CD68: variants seen among roughly 807,000 people sequenced by gnomAD.
CD68 encodes the protein CD68 molecule, also known as macrosialin.
A neutral mutation model predicts 31.3 loss-of-function variants in CD68; 24 were observed. The ratio of observed to expected loss-of-function variants is 0.77; its 90% CI spans 0.55 to 1.08. The LOEUF (loss-of-function observed/expected upper bound fraction) is 1.08, where lower values mean the gene tolerates loss of function less well. Ranked by LOEUF, CD68 falls within the 50% of genes least tolerant of loss-of-function variation. The pLI, the probability that CD68 is intolerant of heterozygous loss-of-function variation, is 0.00. For synonymous variants in CD68, 190 were observed against 179.6 expected, an observed-to-expected ratio of 1.06 and a Z score of -0.46; for missense variants, 461 against 442.5, an observed-to-expected ratio of 1.04 and a Z score of -0.38.
chr17:7,580,395 G>A lies in CD68; in HGVS notation c.567+68G>A. On this transcript the variant is annotated intron_variant, in intron 2 of 5. Coordinates refer to ENST00000250092, the MANE Select transcript of CD68 (RefSeq NM_001251.3). This position sits in a 1 kb window ranked among gnomAD's most constrained non-coding sequence, Gnocchi z 4.3. ...TGGATATAGGCTCAGAGGGAAGAAG[G>A]AAGAGGGGACAGGGAACCTTGGCCG... 1.2e-6 allele frequency: 2 copies of A among 1,610,262 alleles called. No homozygotes were observed. Among genetic ancestry groups the A allele is most frequent in the South Asian group, 2.2e-5 (2 of 90,880 alleles).
intron 1 of CD68, 36 bp from the exon 2 acceptor site, chr17:7,579,774 G>T: frequency 1.2e-6 from 2 of 1,605,674 alleles, no homozygotes; most frequent in South Asian, 1.1e-5. Context: ...GAGGGAGCCT[G>T]CCCTGGGTTG....
At position 7,580,930 on chromosome 17, in the gene CD68, A is replaced by C; in HGVS notation, c.795A>C (p.Arg265=). 1.2e-6 allele frequency: 2 copies of C among 1,613,902 alleles called. No individual in the cohort carries two copies. The highest frequency in any genetic ancestry group is 1.7e-6 in the Non-Finnish European group (2 of 1,179,976). Residue 265 remains arginine (R), a synonymous_variant, in exon 5 of 6, where the codon CGA becomes CGC. Transcript: ENST00000250092. The surrounding 1 kb of genome is among the most constrained non-coding windows in gnomAD (Gnocchi z 4.3). Reference sequence around the variant, plus strand: ...TCTCGGCTCAGAATGCATCCCTTCGAGATCTCCAAGCACCCCTGGGGCAGA... The same window carrying C: ...TCTCGGCTCAGAATGCATCCCTTCGCGATCTCCAAGCACCCCTGGGGCAGA... ...WTFSAQNASL[R]DLQAPLGQSF...
chr17:7,579,958 C>T lies in CD68; in HGVS notation c.198C>T (p.Thr66=). ...SHKTTTHRTT[T]TGTTSHGPTT... is the part of the protein sequence containing the mutation. ...AAACCACCACTCACAGGACAACCAC[C>T]ACAGGCACCACCAGCCACGGACCCA... is the stretch of plus-strand genomic sequence containing the variant. Residue 66 remains threonine, a synonymous_variant, in exon 2 of 6, where the codon ACC becomes ACT. Coordinates refer to ENST00000250092, the MANE Select transcript of CD68 (RefSeq NM_001251.3). The T allele has an allele frequency of 1.2e-6, 2 of 1,613,872 alleles. No individual in the cohort carries two copies. Among genetic ancestry groups the T allele is most frequent in the Non-Finnish European group, 8.5e-7 (1 of 1,179,852 alleles).
At chr17:7,581,281 A>T in intron 5 of CD68, 97 bp from the exon 6 acceptor site, 1 of 1,461,792 alleles carries the variant, frequency 6.8e-7, no homozygotes, top group Non-Finnish European at 9.5e-7. Flanking sequence ...GCTCCTCACC[A>T]ATCTCCTACT....
At chr17:7,581,106 C>T (rs2071479261) in intron 5 of CD68, 40 bp downstream of exon 5, 1 of 1,566,106 alleles carries the variant, frequency 6.4e-7, no homozygotes, top group East Asian at 2.2e-5. Context: ...AATCCTCCCA[C>T]TGCACTGAAA....
At chr17:7,581,327 T>C in intron 5 of CD68, 51 bp from the exon 6 acceptor site, 1 of 1,611,452 alleles carries the variant, frequency 6.2e-7, no homozygotes, top group African/African-American at 1.3e-5. Context: ...CCCACCTTTA[T>C]CCCAACCAGC....
In CD68 at chr17:7,581,471, G is replaced by A; in HGVS notation, c.1025G>A (p.Cys342Tyr). The part of the protein sequence containing the change: ...GLLALVLIAF[C>Y]IIRRRPSAYQ... The stretch of plus-strand genomic sequence containing the variant: ...CTCGCCCTGGTGCTTATTGCTTTCT[G>A]CATCATCCGGAGACGCCCATCCGCC... Residue 342 changes from cysteine to tyrosine, a missense_variant, in exon 6 of 6, where the codon TGC becomes TAC. Transcript: ENST00000250092. 6.2e-7 allele frequency: 1 copy of A among 1,614,090 alleles called. No individual in the cohort carries two copies. The highest frequency in any genetic ancestry group is 8.5e-7 in the Non-Finnish European group (1 of 1,180,030).
Position 7,581,631 on chromosome 17 carries a change from CAA to C in CD68, c.*124_*125del. 8.6e-7 allele frequency: 1 copy of C among 1,159,808 alleles called. No individual in the cohort carries two copies. The highest frequency in any genetic ancestry group is 1.2e-6 in the Non-Finnish European group (1 of 816,790). The allele number at this position is 1,159,808 out of a possible 1,614,324, so 71.8% of individuals were successfully genotyped here. A position where few individuals can be genotyped will look rare whatever the true frequency, so the allele number is the denominator to read the frequency against. On this transcript the variant is annotated 3_prime_UTR_variant, in exon 6 of 6. Transcript: ENST00000250092. ...TATTTTCCTTCCCTTTCTTGAAGAA[CAA>C]AAAGAAAGCCGGGCATGACGGCTCA... is the stretch of plus-strand genomic sequence containing the variant.
Position 7,581,441 on chromosome 17 carries a change from G to C in CD68, c.995G>C (p.Gly332Ala), listed in dbSNP as rs1246175645. 6.2e-7 allele frequency: 1 copy of C among 1,614,058 alleles called. No homozygotes were observed. Among genetic ancestry groups the C allele is most frequent in the East Asian group, 2.2e-5 (1 of 44,876 alleles). ...CTCATCATCGGCCTGATCCTTCTTG[G>C]CCTCCTCGCCCTGGTGCTTATTGCT... Reference protein sequence around the residue: ...LPLIIGLILLGLLALVLIAFC... With the variant: ...LPLIIGLILLALLALVLIAFC... The change falls in exon 6 of 6, where the codon GGC becomes GCC. Residue 332 changes from glycine to alanine, a missense_variant. Transcript: ENST00000250092.
Position 7,580,360 on chromosome 17 carries a change from G to C in CD68, c.567+33G>C. ...TAAAACTGGGGGATGAGAGGGGAGG[G>C]AGGCAGGACTGGATATAGGCTCAGA... On this transcript the variant is annotated intron_variant, in intron 2 of 5. Coordinates refer to ENST00000250092, the MANE Select transcript of CD68 (RefSeq NM_001251.3). This position sits in a 1 kb window ranked among gnomAD's most constrained non-coding sequence, Gnocchi z 4.3. The C allele has an allele frequency of 2.5e-6, 4 of 1,608,096 alleles. No individual in the cohort carries two copies. The highest frequency in any genetic ancestry group is 2.2e-5 in the East Asian group (1 of 44,762).
At position 7,579,809 on chromosome 17, in the gene CD68, G is replaced by A. The variant is rs2071458864; in HGVS notation, c.50-1G>A. On this transcript the variant is annotated splice_acceptor_variant, in intron 1 of 5. Transcript: ENST00000250092. LOFTEE classifies it high-confidence loss of function. ...GCTAACCATCTCCTCTCTGCCAAAAGCCCAGGGGACAGGGAATGACTGTCC... is the reference window on the plus strand; with the variant it reads ...GCTAACCATCTCCTCTCTGCCAAAAACCCAGGGGACAGGGAATGACTGTCC... 2 of 1,612,262 alleles carry A rather than the reference G, an allele frequency of 1.2e-6. No homozygotes were observed. Among genetic ancestry groups the A allele is most frequent in the African/African-American group, 1.3e-5 (1 of 74,944 alleles).
Position 7,580,296 on chromosome 17 carries a change from G to C in CD68, c.536G>C (p.Arg179Pro). The C allele has an allele frequency of 6.2e-7, 1 of 1,613,910 alleles. No individual in the cohort carries two copies. The highest frequency in any genetic ancestry group is 1.1e-5 in the South Asian group (1 of 91,062). ...CACCTCCAAGCCCAGATTCAGATTCGAGTCATGTACACAACCCAGGGTGGA... is the reference window on the plus strand; with the variant it reads ...CACCTCCAAGCCCAGATTCAGATTCCAGTCATGTACACAACCCAGGGTGGA... ...CVHLQAQIQI[R>P]VMYTTQGGGE... The change falls in exon 2 of 6, where the codon CGA becomes CCA. Residue 179 changes from arginine (R) to proline (P), a missense_variant. Coordinates refer to ENST00000250092, the MANE Select transcript of CD68 (RefSeq NM_001251.3). The surrounding 1 kb of genome is among the most constrained non-coding windows in gnomAD (Gnocchi z 4.3).
chr17:7,579,800 C>A lies in CD68; in HGVS notation c.50-10C>A. 6.2e-7 allele frequency: 1 copy of A among 1,610,392 alleles called. No homozygotes were observed. The highest frequency in any genetic ancestry group is 8.5e-7 in the Non-Finnish European group (1 of 1,177,678). Reference sequence around the variant, plus strand: ...CCCTGGGTTGCTAACCATCTCCTCTCTGCCAAAAGCCCAGGGGACAGGGAA... The same window carrying A: ...CCCTGGGTTGCTAACCATCTCCTCTATGCCAAAAGCCCAGGGGACAGGGAA... On this transcript the variant is annotated splice_polypyrimidine_tract_variant and intron_variant, in intron 1 of 5. Transcript: ENST00000250092.
chr17:7,580,498 A>C lies in CD68; in HGVS notation c.600A>C (p.Lys200Asn). ...AWGISVLNPN[K>N]TKVQGSCEGA... The stretch of plus-strand genomic sequence containing the variant: ...GCATCTCTGTACTGAACCCCAACAA[A>C]ACCAAGGTCCAGGGAAGCTGTGAGG... Residue 200 changes from lysine to asparagine, a missense_variant, in exon 3 of 6, where the codon AAA (lysine) becomes AAC (asparagine). Lys to Asn is a moderately conservative substitution (Grantham distance 94, BLOSUM62 0). Transcript: ENST00000250092. This position sits in a 1 kb window ranked among gnomAD's most constrained non-coding sequence, Gnocchi z 4.3. 1 of 1,613,852 alleles carries C rather than the reference A, an allele frequency of 6.2e-7. No individual in the cohort carries two copies. The highest frequency in any genetic ancestry group is 8.5e-7 in the Non-Finnish European group (1 of 1,179,932).
Position 7,579,927 on chromosome 17 carries a change from G to T in CD68, c.167G>T (p.Ser56Ile). Reference sequence around the variant, plus strand: ...ACAACCAGCCACAGGACTACCAAGAGCCACAAAACCACCACTCACAGGACA... The same window carrying T: ...ACAACCAGCCACAGGACTACCAAGATCCACAAAACCACCACTCACAGGACA... ...TGTTSHRTTK[S>I]HKTTTHRTTT... The change falls in exon 2 of 6, where the codon AGC becomes ATC. Residue 56 changes from serine (S) to isoleucine (I), a missense_variant. Ser to Ile is a moderately radical substitution (Grantham distance 142). Transcript: ENST00000250092. 1 of 1,613,838 alleles carries T rather than the reference G, an allele frequency of 6.2e-7. No individual in the cohort carries two copies. The highest frequency in any genetic ancestry group is 8.5e-7 in the Non-Finnish European group (1 of 1,179,902).
In CD68 at chr17:7,581,520, T is replaced by G. The variant is rs374543382; in HGVS notation, c.*9T>G. On this transcript the variant is annotated 3_prime_UTR_variant, in exon 6 of 6. Coordinates refer to ENST00000250092, the MANE Select transcript of CD68 (RefSeq NM_001251.3). Reference sequence around the variant, plus strand: ...CCTACCAGGCCCTCTGAGCATTTGCTTCAAACCCCAGGGCACTGAGGGGGT... The same window carrying G: ...CCTACCAGGCCCTCTGAGCATTTGCGTCAAACCCCAGGGCACTGAGGGGGT... 4 of 1,613,968 alleles carry G rather than the reference T, an allele frequency of 2.5e-6. No individual in the cohort carries two copies. In the African/African-American group the frequency reaches 5.3e-5, roughly 22 times the overall value.
Position 7,581,504 on chromosome 17 carries a change from C to G in CD68, c.1058C>G (p.Ala353Gly). 6.2e-7 allele frequency: 1 copy of G among 1,614,172 alleles called. No homozygotes were observed. Among genetic ancestry groups the G allele is most frequent in the Non-Finnish European group, 8.5e-7 (1 of 1,180,024 alleles). ...CGGAGACGCCCATCCGCCTACCAGG[C>G]CCTCTGAGCATTTGCTTCAAACCCC... ...IIRRRPSAYQ[A>G]L Residue 353 changes from alanine to glycine, a missense_variant, in exon 6 of 6, where the codon GCC becomes GGC. Transcript: ENST00000250092.
chr17:7,580,975 G>A lies in CD68; in HGVS notation c.840G>A (p.Ser280=), dbSNP rs144018476. 587 of 1,613,716 alleles carry A rather than the reference G, an allele frequency of 3.6e-4. 3 individuals carry two copies. Among genetic ancestry groups the A allele is most frequent in the Admixed American group, 3.3e-4 (20 of 59,980 alleles). ...GGCAGAGCTTCAGTTGCAGCAACTC[G>A]AGCATCATTCTTTCACCAGCTGTCC... The part of the protein sequence containing the change: ...PLGQSFSCSN[S]SIILSPAVHL... The change falls in exon 5 of 6, where the codon TCG becomes TCA. Residue 280 remains serine, a synonymous_variant. Transcript: ENST00000250092. The surrounding 1 kb of genome is among the most constrained non-coding windows in gnomAD (Gnocchi z 4.3).
Position 7,580,729 on chromosome 17 carries a change from G to A in CD68, c.706G>A (p.Val236Ile). The A allele has an allele frequency of 2.5e-6, 4 of 1,614,084 alleles. No homozygotes were observed. Among genetic ancestry groups the A allele is most frequent in the Non-Finnish European group, 3.4e-6 (4 of 1,180,014 alleles). ...CCCACAGGACCTCCAGCAGAAGGTTGTCTACCTGAGCTACATGGCGGTGGA... is the reference window on the plus strand; with the variant it reads ...CCCACAGGACCTCCAGCAGAAGGTTATCTACCTGAGCTACATGGCGGTGGA... ...GFMQDLQQKV[V>I]YLSYMAVEYN... The change falls in exon 4 of 6, where the codon GTC (valine) becomes ATC (isoleucine). Residue 236 changes from valine to isoleucine, a missense_variant. Val to Ile is a conservative substitution (Grantham distance 29, BLOSUM62 3). Coordinates refer to ENST00000250092, the MANE Select transcript of CD68 (RefSeq NM_001251.3). This position sits in a 1 kb window ranked among gnomAD's most constrained non-coding sequence, Gnocchi z 4.3.
Sources: allele counts gnomAD v4.1 joint callset, GRCh38; gene constraint gnomAD v4.1.1; non-coding constraint Gnocchi (gnomAD v3.1); transcripts MANE v1.5; gene names NCBI Gene and HGNC (gene_info 2026-07-23, HGNC 2026-07-21).